The following CDKAL1 variants were observed in gnomAD, a reference collection of about 807,000 sequenced individuals.
The protein encoded by CDKAL1 is CDKAL1 threonylcarbamoyladenosine tRNA methylthiotransferase.
A neutral mutation model predicts 68.2 loss-of-function variants in CDKAL1; 32 were observed. That is an observed-to-expected ratio of 0.47 (90% CI 0.35 to 0.63). The LOEUF (loss-of-function observed/expected upper bound fraction) is 0.63. Ranked by LOEUF, CDKAL1 falls within the 30% of genes least tolerant of loss-of-function variation. The pLI, the probability that CDKAL1 is intolerant of heterozygous loss-of-function variation, is 0.00. For synonymous variants in CDKAL1, 234 were observed against 244.3 expected (o/e 0.96, Z 0.39); for missense variants, 606 against 696.7 (o/e 0.87, Z 1.47).
chr6:20,824,732 C>T (rs2150448831), intron 8 of CDKAL1, among the ~76,000 whole-genome samples: 1 of 152,296 alleles, frequency 6.6e-6, no homozygotes, highest in Non-Finnish European at 1.5e-5. Context: ...AAGCAAGTTA[C>T]AGATCCTGCC....
chr6:21,119,138 C>G (rs937681164), intron 13 of CDKAL1, among the ~76,000 whole-genome samples: 1 of 152,112 alleles, frequency 6.6e-6, no homozygotes, highest in Non-Finnish European at 1.5e-5. Context: ...TCCTTTCCTC[C>G]CCTCCCTTCC....
intron 5 of CDKAL1, among the ~76,000 whole-genome samples, chr6:20,662,785 G>A (rs752761377): frequency 1.3e-5 from 2 of 152,234 alleles, no homozygotes; most frequent in Non-Finnish European, 2.9e-5. Flanking sequence ...CAGATCAAAT[G>A]TCTTCCACTG....
chr6:20,788,392 C>T (rs1028495054), intron 8 of CDKAL1, among the ~76,000 whole-genome samples: 1 of 152,176 alleles, frequency 6.6e-6, no homozygotes. Flanking sequence ...AAGGTGAGTA[C>T]AGAGCTGTGG....
At chr6:21,182,528 A>G (rs1467215266) in intron 13 of CDKAL1, among the ~76,000 whole-genome samples, 2 of 152,210 alleles carry the variant, frequency 1.3e-5, no homozygotes, top group African/African-American at 4.8e-5. Flanking sequence ...ACCCTGCTGT[A>G]GTGCTATATG....
chr6:20,983,393 T>C (rs1348373926), intron 10 of CDKAL1, among the ~76,000 whole-genome samples: 1 of 152,214 alleles, frequency 6.6e-6, no homozygotes, highest in Non-Finnish European at 1.5e-5. Flanking sequence ...ACCTTTGACA[T>C]ATATAATATT....
At chr6:20,952,150 G>A (rs1263496073) in intron 9 of CDKAL1, among the ~76,000 whole-genome samples, 5 of 151,858 alleles carry the variant, frequency 3.3e-5, no homozygotes, top group Admixed American at 1.3e-4. Context: ...AGTAGAGACA[G>A]GGTTTCACCG....
At chr6:20,544,489 G>A (rs1340101314) in intron 2 of CDKAL1, among the ~76,000 whole-genome samples, 1 of 150,772 alleles carries the variant, frequency 6.6e-6, no homozygotes, top group Non-Finnish European at 1.5e-5. Context: ...CCAGCTACAC[G>A]GGAGGCTGAG....
At chr6:20,803,265 C>T (rs1234491604) in intron 8 of CDKAL1, among the ~76,000 whole-genome samples, 2 of 152,166 alleles carry the variant, frequency 1.3e-5, no homozygotes, top group Non-Finnish European at 2.9e-5. Flanking sequence ...CCTTTTCTCT[C>T]CTTTCCCTGT....
chr6:20,691,113 C>T (rs569908360), intron 5 of CDKAL1, among the ~76,000 whole-genome samples: 6 of 152,270 alleles, frequency 3.9e-5, no homozygotes, highest in East Asian at 1.9e-4. Context: ...TTTATGACCA[C>T]GACCCCACAA....
At chr6:21,057,455 CA>C (rs35560899) in intron 11 of CDKAL1, among the ~76,000 whole-genome samples, 24 of 142,090 alleles carry the variant, frequency 1.7e-4, no homozygotes, top group African/African-American at 2.6e-4. Flanking sequence ...TTTATTTTTT[CA>C]AAAAAAAAAA....
At chr6:21,077,938 G>A (rs1772165180) in intron 12 of CDKAL1, among the ~76,000 whole-genome samples, 1 of 152,180 alleles carries the variant, frequency 6.6e-6, no homozygotes, top group South Asian at 2.1e-4. Flanking sequence ...GTCCCAGTTA[G>A]AGGAGATGTG....
intron 4 of CDKAL1, among the ~76,000 whole-genome samples, chr6:20,617,559 C>G (rs1011554709): frequency 6.6e-6 from 1 of 151,932 alleles, no homozygotes; most frequent in African/African-American, 2.4e-5. Context: ...TAATGTTATC[C>G]CTCCCCCTGT....
intron 9 of CDKAL1, among the ~76,000 whole-genome samples, chr6:20,856,880 C>G (rs1212777171): frequency 1.3e-5 from 2 of 152,200 alleles, no homozygotes; most frequent in East Asian, 3.8e-4. Flanking sequence ...AAAAGTACTA[C>G]TTTGTGATGC....
chr6:20,544,231 T>C (rs1201034853), intron 2 of CDKAL1, among the ~76,000 whole-genome samples: 1 of 151,780 alleles, frequency 6.6e-6, no homozygotes, highest in East Asian at 1.9e-4. Context: ...TTCTGTTATG[T>C]TCCATTGATC....
At chr6:20,850,005 C>G (rs6456378) in intron 9 of CDKAL1, among the ~76,000 whole-genome samples, 1 of 152,218 alleles carries the variant, frequency 6.6e-6, no homozygotes, top group East Asian at 1.9e-4. Context: ...ATGAAAGTAA[C>G]CATAATAGAA....
chr6:20,540,601 G>A (rs369753573), intron 2 of CDKAL1, among the ~76,000 whole-genome samples: 1 of 151,850 alleles, frequency 6.6e-6, no homozygotes. Context: ...GATTGCAGGT[G>A]CCCACCACCA....
chr6:21,174,097 AAG>A (rs1324595198), intron 13 of CDKAL1, among the ~76,000 whole-genome samples: 1 of 152,212 alleles, frequency 6.6e-6, no homozygotes, highest in Non-Finnish European at 1.5e-5. Context: ...AAAAGAAAGA[AAG>A]AAAAAATTAA....
intron 7 of CDKAL1, among the ~76,000 whole-genome samples, chr6:20,776,746 A>G (rs186532042): frequency 2.0e-5 from 3 of 152,354 alleles, no homozygotes; most frequent in Non-Finnish European, 4.4e-5. Flanking sequence ...CTGGAAATCA[A>G]CTAAAAGCAT....
chr6:20,867,162 G>T (rs988875857), intron 9 of CDKAL1, among the ~76,000 whole-genome samples: 2 of 152,160 alleles, frequency 1.3e-5, no homozygotes, highest in Non-Finnish European at 2.9e-5. Flanking sequence ...TGATGAGGGA[G>T]CTTAGCCAGC....
Sources: allele counts gnomAD v4.1 joint callset (sites outside exome capture counted in the v4.1 genomes callset), GRCh38; gene constraint gnomAD v4.1.1; transcripts MANE v1.5; gene names NCBI Gene and HGNC (gene_info 2026-07-23, HGNC 2026-07-21).